SESN1: variants seen among roughly 807,000 people sequenced by gnomAD.
SESN1 encodes the protein sestrin-1.
In SESN1, 30 loss-of-function variants were observed where a neutral mutation model predicts 59.3. The ratio of observed to expected loss-of-function variants is 0.51; its 90% CI spans 0.38 to 0.69. SESN1 has a LOEUF of 0.69. SESN1 is among the 30% of genes least tolerant of loss of function. The pLI is 0.00. For synonymous variants in SESN1, 197 were observed against 219.9 expected (o/e 0.90, Z 0.92); for missense variants, 566 against 673.0 (o/e 0.84, Z 1.76).
intron 1 of SESN1, among the ~76,000 whole-genome samples, chr6:109,022,363 T>A (rs1943138961): frequency 6.6e-6 from 1 of 151,456 alleles, no homozygotes; most frequent in Non-Finnish European, 1.5e-5. Context: ...CGATTTGATA[T>A]TAATAGAATA....
At chr6:108,989,594 TAGAGAG>T (rs759251549) in intron 8 of SESN1, among the ~76,000 whole-genome samples, 18 of 143,154 alleles carry the variant, frequency 1.3e-4, no homozygotes, top group Non-Finnish European at 2.3e-4. Flanking sequence ...TAGAGAGAGA[TAGAGAG>T]AGATAGATAT....
At position 109,093,917 on chromosome 6, in the gene SESN1, G is replaced by A. The variant is rs1172170090; in HGVS notation, c.157C>T (p.Leu53Phe). The change falls in exon 1 of 10, where the codon CTT becomes TTT. Residue 53 changes from leucine to phenylalanine, a missense_variant. Leu to Phe is a conservative substitution (Grantham distance 22). Coordinates refer to ENST00000436639, the MANE Select transcript of SESN1 (RefSeq NM_014454.3). ...KETPHRPSDG[L>F]SNTESSDGLN... ...CCATCCGAAGACTCGGTATTTGAAA[G>A]CCCGTCTGATGGACGATGAGGTGTT... 8 of 1,614,216 alleles carry A rather than the reference G, an allele frequency of 5.0e-6. No homozygotes were observed. The East Asian group carries it at 6.7e-5, about 13-fold the overall frequency.
intron 1 of SESN1, among the ~76,000 whole-genome samples, chr6:109,046,777 C>T (rs1780449381): frequency 7.2e-6 from 1 of 139,684 alleles, no homozygotes; most frequent in Non-Finnish European, 1.6e-5. Context: ...CGGCCGAGAC[C>T]CCGTCTGGGA....
chr6:109,078,138 T>C (rs1365036143), intron 1 of SESN1, among the ~76,000 whole-genome samples: 2 of 152,124 alleles, frequency 1.3e-5, no homozygotes, highest in East Asian at 1.9e-4. Flanking sequence ...TCTTTTCCTA[T>C]ACATACATTT....
chr6:109,006,490 A>C (rs533121355), intron 1 of SESN1, among the ~76,000 whole-genome samples: 1 of 86,496 alleles, frequency 1.2e-5, no homozygotes, highest in Non-Finnish European at 2.2e-5. Context: ...GATGTTCCCC[A>C]CCCTGTGTCC....
chr6:109,001,589 T>A, intron 2 of SESN1, 101 bp from the exon 3 acceptor site: 2 of 1,042,910 alleles, frequency 1.9e-6, no homozygotes, highest in Non-Finnish European at 2.8e-6. Context: ...AGAAGCAGAT[T>A]AAATCTGGCT....
chr6:109,062,994 T>A (rs1328472059), intron 1 of SESN1, among the ~76,000 whole-genome samples: 1 of 152,146 alleles, frequency 6.6e-6, no homozygotes, highest in African/African-American at 2.4e-5. Flanking sequence ...TACAACTGCA[T>A]CTGCAAAGTT....
At position 109,063,256 on chromosome 6, in the gene SESN1, A is replaced by C. The variant is rs545380959; in HGVS notation, c.279+30539T>G. Among the ~76,000 whole-genome samples, 28 of 149,712 alleles carry C rather than the reference A, an allele frequency of 1.9e-4. 2 individuals carry two copies. In the South Asian group the frequency reaches 4.5e-3, roughly 24 times the overall value. ...AGAGGGAAACTGCCAACATAGGCTC[A>C]GGTATAACTGTTTGAAGAGAAATAA... On this transcript the variant is annotated intron_variant, in intron 1 of 9. Transcript: ENST00000436639.
At chr6:108,990,933 G>T in intron 7 of SESN1, 98 bp from the exon 8 acceptor site, 2 of 1,075,008 alleles carry the variant, frequency 1.9e-6, no homozygotes, top group Non-Finnish European at 2.6e-6. Flanking sequence ...TCATTTGGCT[G>T]ACAATCCAAC....
chr6:109,060,414 A>G (rs1780712020), intron 1 of SESN1, among the ~76,000 whole-genome samples: 1 of 152,218 alleles, frequency 6.6e-6, no homozygotes, highest in Non-Finnish European at 1.5e-5. Context: ...GAGATCTGAC[A>G]TGCTTGATTT....
intron 1 of SESN1, among the ~76,000 whole-genome samples, chr6:109,010,077 A>G (rs779561631): frequency 7.2e-5 from 11 of 152,208 alleles, no homozygotes; most frequent in Non-Finnish European, 8.8e-5. Flanking sequence ...AAGCTACGTA[A>G]AAGCTATAAA....
In SESN1 at chr6:108,986,411, A is replaced by AT. The variant is rs1249487827; in HGVS notation, c.*1132dup. The AT allele has an allele frequency of 6.6e-6, 1 of 152,636 alleles. No homozygotes were observed. Among genetic ancestry groups the AT allele is most frequent in the East Asian group, 1.9e-4 (1 of 5,202 alleles). The allele number at this position is 152,636 out of a possible 1,614,324, so 9.5% of individuals were successfully genotyped here. On this transcript the variant is annotated 3_prime_UTR_variant, in exon 10 of 10. Transcript: ENST00000436639. ...AATTATTACTAATAGTGAAGTCATGATTTTTTAAGAGATTGAGACAGCAAA... is the reference window on the plus strand; with the variant it reads ...AATTATTACTAATAGTGAAGTCATGATTTTTTTAAGAGATTGAGACAGCAAA...
chr6:109,089,816 C>T (rs970676208), intron 1 of SESN1, among the ~76,000 whole-genome samples: 1 of 152,166 alleles, frequency 6.6e-6, no homozygotes, highest in African/African-American at 2.4e-5. Flanking sequence ...ATTTTTTCCA[C>T]TCCCTCCTGC....
Position 109,001,348 on chromosome 6 carries a change from G to C in SESN1, c.486C>G (p.His162Gln), listed in dbSNP as rs772665192. 1 of 1,613,734 alleles carries C rather than the reference G, an allele frequency of 6.2e-7. No homozygotes were observed. The highest frequency in any genetic ancestry group is 8.5e-7 in the Non-Finnish European group (1 of 1,179,814). The stretch of plus-strand genomic sequence containing the variant: ...ACGGCCCATCCATTTGCAGTAGATA[G>C]TGCTGAGTTTTTAAGAAACTTTCTA... ...QYLESFLKTQHYLLQMDGPLP... is the reference protein window; with the variant it reads ...QYLESFLKTQQYLLQMDGPLP... The change falls in exon 3 of 10, where the codon CAC becomes CAG. Residue 162 changes from histidine (H) to glutamine (Q), a missense_variant. His to Gln is a conservative substitution (Grantham distance 24). Transcript: ENST00000436639.
Position 109,000,688 on chromosome 6 carries a change from A to T in SESN1, c.547-15T>A. 10 of 1,506,216 alleles carry T rather than the reference A, an allele frequency of 6.6e-6. No homozygotes were observed. Among genetic ancestry groups the T allele is most frequent in the Non-Finnish European group, 8.0e-6 (9 of 1,126,442 alleles). 93.3% of individuals were successfully genotyped at this position (1,506,216 alleles called of 1,614,324 possible). A position where few individuals can be genotyped will look rare whatever the true frequency, so the allele number is the denominator to read the frequency against. On this transcript the variant is annotated splice_polypyrimidine_tract_variant and intron_variant, in intron 3 of 9. Coordinates refer to ENST00000436639, the MANE Select transcript of SESN1 (RefSeq NM_014454.3). ...CTTGCCGCAGCCTTAAAACAAAAAGATTATTCTAATTATAAATATTAAAAC... is the reference window on the plus strand; with the variant it reads ...CTTGCCGCAGCCTTAAAACAAAAAGTTTATTCTAATTATAAATATTAAAAC...
intron 1 of SESN1, among the ~76,000 whole-genome samples, chr6:109,078,032 G>A (rs1781059078): frequency 6.6e-6 from 1 of 151,988 alleles, no homozygotes; most frequent in Admixed American, 6.6e-5. Flanking sequence ...ATATTTTGGT[G>A]CATGAGTTTC....
intron 1 of SESN1, among the ~76,000 whole-genome samples, chr6:109,077,908 A>T (rs577659153): frequency 1.3e-5 from 2 of 152,196 alleles, no homozygotes; most frequent in South Asian, 2.1e-4. Context: ...AGTGATTTTA[A>T]TTTTTTTAAT....
rs771919155 is a variant in SESN1 at position 108,985,098 on chromosome 6, T to C, written c.*2446A>G. On this transcript the variant is annotated 3_prime_UTR_variant, in exon 10 of 10. Transcript: ENST00000436639. ...CATATACAAATATGCTAGTAACATT[T>C]CTGATTCATGTATGATATTCACATA... Among the ~76,000 whole-genome samples the C allele has an allele frequency of 1.3e-5, 2 of 152,312 alleles. No individual in the cohort carries two copies. Among genetic ancestry groups the C allele is most frequent in the Non-Finnish European group, 2.9e-5 (2 of 68,034 alleles).
chr6:109,047,328 C>G (rs868488149), intron 1 of SESN1, among the ~76,000 whole-genome samples: 26 of 55,380 alleles, frequency 4.7e-4, no homozygotes, highest in Middle Eastern at 0.012. Flanking sequence ...CCAGCCGCCC[C>G]GTCCGGGAGG....
Sources: allele counts gnomAD v4.1 joint callset (sites outside exome capture counted in the v4.1 genomes callset), GRCh38; gene constraint gnomAD v4.1.1; transcripts MANE v1.5; gene names NCBI Gene and HGNC (gene_info 2026-07-23, HGNC 2026-07-21).